The following OMA1 variants were observed in gnomAD, a reference collection of about 807,000 sequenced individuals.
The protein encoded by OMA1 is metalloendopeptidase OMA1, mitochondrial.
A neutral mutation model predicts 30.9 loss-of-function variants in OMA1; 38 were observed. The observed-to-expected ratio is 1.23, with a 90% CI of 0.95 to 1.61. The LOEUF is 1.61. OMA1 is among the 40% of genes most tolerant of loss of function. The pLI, the probability that OMA1 is intolerant of heterozygous loss-of-function variation, is 0.00. For synonymous variants in OMA1, 173 were observed against 121.9 expected, an observed-to-expected ratio of 1.42 and a Z score of -2.76; for missense variants, 461 against 349.2, an observed-to-expected ratio of 1.32 and a Z score of -2.55.
At chr1:58,502,506 A>T (rs1469040591) in intron 8 of OMA1, among the ~76,000 whole-genome samples, 4 of 152,204 alleles carry the variant, frequency 2.6e-5, no homozygotes, top group Admixed American at 2.6e-4. Context: ...TGTATTCTCA[A>T]CTGCCTTTGA....
intron 7 of OMA1, 22 bp downstream of exon 7, chr1:58,527,239 T>C: frequency 1.1e-6 from 1 of 871,204 alleles, no homozygotes; most frequent in South Asian, 1.3e-5. Context: ...CATTATGTAT[T>C]CTCAACTACT....
intron 8 of OMA1, among the ~76,000 whole-genome samples, chr1:58,491,469 C>A (rs1303292826): frequency 6.6e-6 from 1 of 152,046 alleles, no homozygotes; most frequent in Non-Finnish European, 1.5e-5. Context: ...CACAGACTGG[C>A]AAATTGGATA....
chr1:58,483,007 T>C (rs1215725334), intron 8 of OMA1, among the ~76,000 whole-genome samples: 1 of 152,214 alleles, frequency 6.6e-6, no homozygotes, highest in Non-Finnish European at 1.5e-5. Flanking sequence ...GTCAAGCTAA[T>C]ACACTACTAC....
intron 3 of OMA1, among the ~76,000 whole-genome samples, chr1:58,535,821 T>C (rs1278497463): frequency 6.6e-6 from 1 of 152,088 alleles, no homozygotes; most frequent in East Asian, 1.9e-4. Context: ...AAATTATAAC[T>C]TAAATTTGGA....
At position 58,534,157 on chromosome 1, in the gene OMA1, C is replaced by G. The variant is rs1646480301; in HGVS notation, c.903+1G>C. On this transcript the variant is annotated splice_donor_variant, in intron 4 of 8. Transcript: ENST00000371226. LOFTEE classifies it high-confidence loss of function. ...CAATGCGTTTGAGAACATTTACTTA[C>G]TGGAAGCACGAAGGCATTAATAATT... The G allele has an allele frequency of 1.1e-6, 1 of 870,040 alleles. No homozygotes were observed. The highest frequency in any genetic ancestry group is 2.0e-6 in the Non-Finnish European group (1 of 501,124). 53.9% of individuals were successfully genotyped at this position (870,040 alleles called of 1,614,324 possible).
At chr1:58,491,388 T>C (rs1645686028) in intron 8 of OMA1, among the ~76,000 whole-genome samples, 2 of 152,132 alleles carry the variant, frequency 1.3e-5, no homozygotes, top group African/African-American at 4.8e-5. Context: ...AACATCATAA[T>C]GACAGGATCA....
intron 3 of OMA1, among the ~76,000 whole-genome samples, chr1:58,535,391 T>C (rs1646500297): frequency 6.6e-6 from 1 of 152,006 alleles, no homozygotes; most frequent in Admixed American, 6.6e-5. Context: ...GGTCAGGAGA[T>C]CAAGACCATC....
At chr1:58,518,495 C>G (rs1039259974) in intron 7 of OMA1, among the ~76,000 whole-genome samples, 28 of 151,768 alleles carry the variant, frequency 1.8e-4, no homozygotes, top group Non-Finnish European at 3.5e-4. Flanking sequence ...TGAAAGCTAT[C>G]ATGAGCCTGC....
intron 8 of OMA1, among the ~76,000 whole-genome samples, chr1:58,502,091 T>C (rs1306814184): frequency 6.6e-6 from 1 of 152,222 alleles, no homozygotes; most frequent in Non-Finnish European, 1.5e-5. Context: ...AGTGTAAATT[T>C]AAAACATTTT....
At chr1:58,528,748 C>T (rs1646389043) in intron 6 of OMA1, among the ~76,000 whole-genome samples, 1 of 152,142 alleles carries the variant, frequency 6.6e-6, no homozygotes, top group Non-Finnish European at 1.5e-5. Flanking sequence ...ATTCCCACAC[C>T]CTAATGACTT....
intron 6 of OMA1, 109 bp from the exon 7 acceptor site, chr1:58,527,444 T>C (rs1239093752): frequency 1.5e-6 from 1 of 660,220 alleles, no homozygotes; most frequent in East Asian, 2.7e-5. Context: ...TAGGATAAAA[T>C]TCCTATACTG....
At chr1:58,484,782 G>A (rs929302086) in intron 8 of OMA1, among the ~76,000 whole-genome samples, 1 of 152,146 alleles carries the variant, frequency 6.6e-6, no homozygotes, top group Admixed American at 6.5e-5. Flanking sequence ...AACCTTAAAC[G>A]TATATTGCTA....
chr1:58,534,067 C>T lies in OMA1; in HGVS notation c.904-7G>A. 1 of 869,304 alleles carries T rather than the reference C, an allele frequency of 1.2e-6. No homozygotes were observed. Among genetic ancestry groups the T allele is most frequent in the Non-Finnish European group, 2.0e-6 (1 of 500,880 alleles). The allele number at this position is 869,304 out of a possible 1,614,324, so 53.8% of individuals were successfully genotyped here. A position where few individuals can be genotyped will look rare whatever the true frequency, so the allele number is the denominator to read the frequency against. On this transcript the variant is annotated splice_region_variant and splice_polypyrimidine_tract_variant and intron_variant, in intron 4 of 8. Coordinates refer to ENST00000371226, the MANE Select transcript of OMA1 (RefSeq NM_145243.5). ...AAACAAACATTTGTCCATTCTGCACCACAAAGAAAATAATGTAAGCAATTA... is the reference window on the plus strand; with the variant it reads ...AAACAAACATTTGTCCATTCTGCACTACAAAGAAAATAATGTAAGCAATTA...
At chr1:58,501,493 A>T (rs1036435427) in intron 8 of OMA1, among the ~76,000 whole-genome samples, 9 of 152,208 alleles carry the variant, frequency 5.9e-5, no homozygotes, top group African/African-American at 2.2e-4. Flanking sequence ...TACAGGGGCG[A>T]TAAGGCCCAC....
In OMA1 at chr1:58,510,946, TA is replaced by T. The variant is rs1052119399; in HGVS notation, c.1216-4738del. ...AAAGCCTTCTACACTAAAAAGTATC[TA>T]AAAAAAAACTGATGAAAGAAATTAA... is the stretch of plus-strand genomic sequence containing the variant. On this transcript the variant is annotated intron_variant, in intron 7 of 8. Transcript: ENST00000371226. Among the ~76,000 whole-genome samples the T allele has an allele frequency of 9.3e-5, 14 of 151,000 alleles. No individual in the cohort carries two copies. The East Asian group carries it at 2.5e-3, about 27-fold the overall frequency.
chr1:58,507,793 G>C (rs899715073), intron 7 of OMA1, among the ~76,000 whole-genome samples: 4 of 151,864 alleles, frequency 2.6e-5, no homozygotes, highest in African/African-American at 9.7e-5. Context: ...CTCAATAATA[G>C]GTAATCACAT....
chr1:58,532,590 C>T (rs1043412126), intron 5 of OMA1, among the ~76,000 whole-genome samples: 1 of 152,070 alleles, frequency 6.6e-6, no homozygotes. Context: ...TGCAGTGGTG[C>T]GATCATGGCT....
At chr1:58,503,616 G>T (rs1341762878) in intron 8 of OMA1, among the ~76,000 whole-genome samples, 1 of 151,976 alleles carries the variant, frequency 6.6e-6, no homozygotes, top group African/African-American at 2.4e-5. Flanking sequence ...TCATGAATGG[G>T]TTAGCACCCT....
At chr1:58,541,614 C>CAAAAAAAAAAAAAAA (rs60360589) in intron 1 of OMA1, 22 of 65,612 alleles carry the variant, frequency 3.4e-4, no homozygotes, top group Non-Finnish European at 4.3e-4. Flanking sequence ...GAGAACCTGT[C>CAAAAAAAAAAAAAAA]AAAAAAAAAA....
Sources: allele counts gnomAD v4.1 joint callset (sites outside exome capture counted in the v4.1 genomes callset), GRCh38; gene constraint gnomAD v4.1.1; transcripts MANE v1.5; gene names NCBI Gene and HGNC (gene_info 2026-07-23, HGNC 2026-07-21).